CTSC: variants seen among roughly 807,000 people sequenced by gnomAD.
The protein encoded by CTSC is cathepsin C.
Under a neutral mutation model 40.9 loss-of-function variants are expected in CTSC, and 37 were observed. The observed-to-expected ratio is 0.91, with a 90% CI of 0.70 to 1.19. The LOEUF (loss-of-function observed/expected upper bound fraction) is 1.19, where lower values mean the gene tolerates loss of function less well. Among genes scored for constraint, CTSC ranks in the 50% most tolerant of loss-of-function variants. The probability of loss-of-function intolerance (pLI) is 0.00; values close to 1 mark genes in which losing one functional copy is unlikely to be tolerated. For synonymous variants in CTSC, 232 were observed against 207.4 expected (o/e 1.12, Z -1.02); for missense variants, 594 against 567.3 (o/e 1.05, Z -0.48).
chr11:88,316,213 T>C (rs948822141), intron 2 of CTSC, among the ~76,000 whole-genome samples: 1 of 152,192 alleles, frequency 6.6e-6, no homozygotes, highest in Admixed American at 6.5e-5. Flanking sequence ...GAAAGAATAA[T>C]GCCTTCAGGC....
At chr11:88,317,509 CACG>C in intron 2 of CTSC, among the ~76,000 whole-genome samples, 1 of 152,260 alleles carries the variant, frequency 6.6e-6, no homozygotes, top group East Asian at 1.9e-4. Context: ...TGCCACTCTG[CACG>C]ACAACAACTT....
chr11:88,294,614 G>T, intron 6 of CTSC, 106 bp from the exon 7 acceptor site: 1 of 1,287,786 alleles, frequency 7.8e-7, no homozygotes, highest in East Asian at 2.4e-5. Flanking sequence ...ACCCCTGAAA[G>T]TTGTTCTTAG....
At chr11:88,305,250 A>C (rs1937621145) in intron 4 of CTSC, among the ~76,000 whole-genome samples, 1 of 152,230 alleles carries the variant, frequency 6.6e-6, no homozygotes, top group African/African-American at 2.4e-5. Flanking sequence ...CTGTCTATGG[A>C]GTAGCCATTC....
intron 2 of CTSC, among the ~76,000 whole-genome samples, chr11:88,329,501 T>C (rs1441501543): frequency 1.4e-5 from 2 of 139,478 alleles, no homozygotes; most frequent in East Asian, 4.1e-4. Flanking sequence ...CAACAGGAGG[T>C]CATTTTTTGG....
chr11:88,300,333 T>C (rs1805457365), intron 5 of CTSC, among the ~76,000 whole-genome samples, 197 bp downstream of exon 5: 3 of 152,214 alleles, frequency 2.0e-5, no homozygotes, highest in Admixed American at 2.0e-4. Flanking sequence ...CTAAGCTCAG[T>C]AGAAAAGAAA....
At chr11:88,294,814 T>A (rs996214597) in intron 6 of CTSC, among the ~76,000 whole-genome samples, 3 of 152,236 alleles carry the variant, frequency 2.0e-5, no homozygotes, top group Non-Finnish European at 2.9e-5. Flanking sequence ...CTTCTCTGTA[T>A]CTCTGCTTAC....
intron 4 of CTSC, among the ~76,000 whole-genome samples, chr11:88,304,691 A>T (rs1937614849): frequency 6.6e-6 from 1 of 152,244 alleles, no homozygotes; most frequent in East Asian, 1.9e-4. Flanking sequence ...CTGATAGAAC[A>T]GACAGGCTGC....
intron 2 of CTSC, among the ~76,000 whole-genome samples, chr11:88,313,605 G>A (rs180743011): frequency 9.2e-5 from 14 of 152,172 alleles, no homozygotes; most frequent in Admixed American, 6.5e-4. Flanking sequence ...TCATGGAGGC[G>A]GGGCACATGA....
intron 6 of CTSC, among the ~76,000 whole-genome samples, chr11:88,295,144 A>C (rs1360496377): frequency 6.6e-6 from 1 of 152,194 alleles, no homozygotes; most frequent in African/African-American, 2.4e-5. Flanking sequence ...TTGTCTTGAT[A>C]TATTATAGCC....
rs1937779029 is a variant in CTSC at position 88,312,263 on chromosome 11, G to A, written c.485+125C>T. ...TATTTTTCCAGTAAGGTTTTACATA[G>A]CATGCCTAATATTTCTAAGCCAAAG... On this transcript the variant is annotated intron_variant, in intron 3 of 6. Transcript: ENST00000227266. 8 of 892,784 alleles carry A rather than the reference G, an allele frequency of 9.0e-6. No individual in the cohort carries two copies. The East Asian group carries it at 2.1e-4, about 23-fold the overall frequency. 55.3% of individuals were successfully genotyped at this position (892,784 alleles called of 1,614,324 possible). A position where few individuals can be genotyped will look rare whatever the true frequency, so the allele number is the denominator to read the frequency against.
intron 2 of CTSC, chr11:88,324,463 T>C (rs1218171098): frequency 5.1e-6 from 5 of 980,252 alleles, no homozygotes; most frequent in African/African-American, 3.5e-5. Flanking sequence ...AAAAAAGATG[T>C]ATATGGCACC....
chr11:88,294,059 C>T lies in CTSC; in HGVS notation c.1339G>A (p.Glu447Lys). 2.5e-6 allele frequency: 4 copies of T among 1,614,056 alleles called. No homozygotes were observed. The highest frequency in any genetic ancestry group is 1.7e-6 in the Non-Finnish European group (2 of 1,180,008). ...GYFRIRRGTD[E>K]CAIESIAVAA... ...ACTGCTATGCTCTCAATTGCACACT[C>T]ATCAGTTCCTCTGCGGATCCGGAAG... The change falls in exon 7 of 7, where the codon GAG (glutamate) becomes AAG (lysine). Residue 447 changes from glutamate to lysine, a missense_variant. Coordinates refer to ENST00000227266, the MANE Select transcript of CTSC (RefSeq NM_001814.6).
At chr11:88,329,029 T>C (rs576416235) in intron 2 of CTSC, among the ~76,000 whole-genome samples, 98 of 152,312 alleles carry the variant, frequency 6.4e-4, no homozygotes, top group African/African-American at 2.3e-3. Context: ...CCAAATAAAA[T>C]TTCCAGCCAT....
chr11:88,297,698 G>A (rs1944313514), intron 5 of CTSC: 1 of 152,166 alleles, frequency 6.6e-6, no homozygotes, highest in African/African-American at 2.4e-5. Flanking sequence ...CAGGAACAAG[G>A]GAAGAAGATA....
intron 2 of CTSC, chr11:88,324,366 T>C: frequency 1.0e-6 from 1 of 982,752 alleles, no homozygotes; most frequent in Non-Finnish European, 1.2e-6. Context: ...TGGTTATATT[T>C]ACATCCTGAA....
chr11:88,296,335 A>G, intron 5 of CTSC, 71 bp from the exon 6 acceptor site: 1 of 1,576,230 alleles, frequency 6.3e-7, no homozygotes, highest in Non-Finnish European at 8.7e-7. Context: ...CAAAAACCTT[A>G]GTGAATCACA....
intron 3 of CTSC, among the ~76,000 whole-genome samples, chr11:88,309,810 GCGCGCACA>G (rs1204781894): frequency 2.8e-4 from 28 of 101,764 alleles, no homozygotes; most frequent in African/African-American, 8.7e-4. Context: ...ATATATGTAT[GCGCGCACA>G]CACACACACA....
intron 2 of CTSC, chr11:88,325,078 A>C (rs1938143849): frequency 1.0e-6 from 1 of 979,058 alleles, no homozygotes; most frequent in African/African-American, 1.9e-5. Flanking sequence ...TTTCAGGCTT[A>C]CCAAAGCTGA....
At chr11:88,300,162 T>TA (rs1944342575) in intron 5 of CTSC, among the ~76,000 whole-genome samples, 1 of 152,138 alleles carries the variant, frequency 6.6e-6, no homozygotes, top group African/African-American at 2.4e-5. Context: ...CAGGAACAGG[T>TA]ATCAAAGAAA....
Sources: allele counts gnomAD v4.1 joint callset (sites outside exome capture counted in the v4.1 genomes callset), GRCh38; gene constraint gnomAD v4.1.1; transcripts MANE v1.5; gene names NCBI Gene and HGNC (gene_info 2026-07-23, HGNC 2026-07-21).